The following CCBE1 variants were observed in gnomAD, a reference collection of about 807,000 sequenced individuals.
The protein encoded by CCBE1 is collagen and calcium-binding EGF domain-containing protein 1.
Under a neutral mutation model 50.0 loss-of-function variants are expected in CCBE1, and 37 were observed. The observed-to-expected ratio is 0.74, with a 90% CI of 0.57 to 0.97. The LOEUF is 0.97. CCBE1 is among the 50% of genes least tolerant of loss of function. The pLI is 0.00. For missense variants in CCBE1, 538 were observed against 523.8 expected, an observed-to-expected ratio of 1.03 and a Z score of -0.26; for synonymous variants, 234 against 203.7, an observed-to-expected ratio of 1.15 and a Z score of -1.27.
chr18:59,683,077 T>C (rs547702672), intron 2 of CCBE1, among the ~76,000 whole-genome samples: 1 of 152,346 alleles, frequency 6.6e-6, no homozygotes, highest in South Asian at 2.1e-4. Context: ...TATATTTTCA[T>C]ATACTTTCCT....
intron 2 of CCBE1, among the ~76,000 whole-genome samples, chr18:59,578,172 A>G (rs535124645): frequency 3.3e-5 from 5 of 152,352 alleles, no homozygotes; most frequent in African/African-American, 7.2e-5. Context: ...AAAAGAAGAC[A>G]TTTATGCAGC....
chr18:59,588,440 G>C (rs1245372685), intron 2 of CCBE1, among the ~76,000 whole-genome samples: 1 of 152,176 alleles, frequency 6.6e-6, no homozygotes, highest in Non-Finnish European at 1.5e-5. Flanking sequence ...CCAGCACTCT[G>C]TGTGGTTTCC....
intron 2 of CCBE1, among the ~76,000 whole-genome samples, chr18:59,518,231 G>C (rs899738658): frequency 6.6e-6 from 1 of 152,240 alleles, no homozygotes; most frequent in Non-Finnish European, 1.5e-5. Flanking sequence ...GCTCACTCCT[G>C]TAATCCCAAC....
At chr18:59,452,907 C>T (rs187279631) in intron 6 of CCBE1, among the ~76,000 whole-genome samples, 8 of 152,290 alleles carry the variant, frequency 5.3e-5, no homozygotes, top group East Asian at 1.9e-4. Flanking sequence ...TAAGGTAGAA[C>T]GATGCTAGTC....
chr18:59,565,502 C>T (rs1460996047), intron 2 of CCBE1, among the ~76,000 whole-genome samples: 1 of 152,218 alleles, frequency 6.6e-6, no homozygotes, highest in Non-Finnish European at 1.5e-5. Flanking sequence ...TCACTCTCTA[C>T]AGCCCAGCCC....
At chr18:59,473,983 G>A (rs1490288202) in intron 3 of CCBE1, among the ~76,000 whole-genome samples, 1 of 152,170 alleles carries the variant, frequency 6.6e-6, no homozygotes, top group African/African-American at 2.4e-5. Flanking sequence ...GAGAACATGT[G>A]GTACTTGTGT....
Position 59,431,352 on chromosome 18 carries a change from C to G in CCBE1, c.*4556G>C, listed in dbSNP as rs1273700609. 4 of 152,178 alleles carry G rather than the reference C, an allele frequency of 2.6e-5. No homozygotes were observed. The highest frequency in any genetic ancestry group is 9.7e-5 in the African/African-American group (4 of 41,406). 9.4% of individuals were successfully genotyped at this position (152,178 alleles called of 1,614,324 possible). A position where few individuals can be genotyped will look rare whatever the true frequency, so the allele number is the denominator to read the frequency against. On this transcript the variant is annotated 3_prime_UTR_variant, in exon 11 of 11. Coordinates refer to ENST00000439986, the MANE Select transcript of CCBE1 (RefSeq NM_133459.4). ...AAAAATTCATCTATTTCCCTGAACT[C>G]ATTATTAATAACTTTAGATGGCTCT...
At chr18:59,441,674 G>T (rs1002515868) in intron 7 of CCBE1, among the ~76,000 whole-genome samples, 1 of 152,080 alleles carries the variant, frequency 6.6e-6, no homozygotes, top group Non-Finnish European at 1.5e-5. Context: ...CAGAGAGATG[G>T]AAATTAAAGG....
At chr18:59,511,440 G>C (rs945114138) in intron 2 of CCBE1, among the ~76,000 whole-genome samples, 1 of 152,228 alleles carries the variant, frequency 6.6e-6, no homozygotes. Flanking sequence ...CAGCCTTGAA[G>C]AGATCCATTT....
At chr18:59,694,804 T>A (rs2054783192) in intron 2 of CCBE1, among the ~76,000 whole-genome samples, 2 of 152,096 alleles carry the variant, frequency 1.3e-5, no homozygotes, top group African/African-American at 2.4e-5. Flanking sequence ...AGAAAATAGA[T>A]CTAAAAACAA....
chr18:59,559,554 G>T lies in CCBE1; in HGVS notation c.213-79316C>A, dbSNP rs184293772. Among the ~76,000 whole-genome samples, 327 of 152,278 alleles carry T rather than the reference G, an allele frequency of 2.1e-3. 1 individual carries two copies. The highest frequency in any genetic ancestry group is 3.5e-3 in the Non-Finnish European group (238 of 68,030). On this transcript the variant is annotated intron_variant, in intron 2 of 10. Coordinates refer to ENST00000439986, the MANE Select transcript of CCBE1 (RefSeq NM_133459.4). The stretch of plus-strand genomic sequence containing the variant: ...CAACCCAGTCCCATCCAAGCATTCC[G>T]GTTCAAAGAATACCTGTTACAGCTG...
In CCBE1 at chr18:59,448,071, C is replaced by G; in HGVS notation, c.687G>C (p.Leu229=). Residue 229 remains leucine (L), a synonymous_variant, in exon 7 of 11, where the codon CTG becomes CTC. Coordinates refer to ENST00000439986, the MANE Select transcript of CCBE1 (RefSeq NM_133459.4). ...CCTTGTCACCAGTGATATACTTGCC[C>G]AGGTCAGCTGCATTGTTGGGGAGCA... ...IALLPNNAAD[L]GKYITGDKVL... 1 of 1,614,036 alleles carries G rather than the reference C, an allele frequency of 6.2e-7. No individual in the cohort carries two copies. The highest frequency in any genetic ancestry group is 2.2e-5 in the East Asian group (1 of 44,850).
At chr18:59,455,043 GAGT>G (rs1911122401) in intron 5 of CCBE1, 92 bp from the exon 6 acceptor site, 2 of 996,686 alleles carry the variant, frequency 2.0e-6, no homozygotes, top group South Asian at 2.6e-5. Context: ...CCCAGGGACA[GAGT>G]AGCTGACAGC....
Position 59,459,082 on chromosome 18 carries a change from T to C in CCBE1, c.554-4131A>G, listed in dbSNP as rs547783823. 2.0e-5 allele frequency: 3 copies of C among 152,340 alleles called. No homozygotes were observed. The South Asian group carries it at 6.2e-4, about 32-fold the overall frequency. The allele number at this position is 152,340 out of a possible 1,614,324, so 9.4% of individuals were successfully genotyped here. On this transcript the variant is annotated intron_variant, in intron 5 of 10. Transcript: ENST00000439986. ...TGGAGCTGCTACGAGGAGCCAGTGA[T>C]AAGATATGTAGGTTCCCAGAACAGT... is the stretch of plus-strand genomic sequence containing the variant.
rs775397989 is a variant in CCBE1, at chr18:59,466,958, T to C, written c.401-67A>G. On this transcript the variant is annotated intron_variant, in intron 4 of 10. Transcript: ENST00000439986. ...TTCACTTCTAATACAACAGATGACA[T>C]TGGGCTTTGCCTCTCTGTTAATAAC... 38 of 1,405,206 alleles carry C rather than the reference T, an allele frequency of 2.7e-5. 1 individual carries two copies. Among genetic ancestry groups the C allele is most frequent in the Non-Finnish European group, 2.9e-5 (29 of 998,772 alleles). 87.0% of individuals were successfully genotyped at this position (1,405,206 alleles called of 1,614,324 possible).
intron 2 of CCBE1, among the ~76,000 whole-genome samples, chr18:59,508,711 CTTTTTTTT>C (rs55881131): frequency 2.1e-5 from 2 of 95,684 alleles, no homozygotes; most frequent in Non-Finnish European, 3.9e-5. Context: ...TAGAGTTACG[CTTTTTTTT>C]TTTTTTTTTT....
intron 2 of CCBE1, among the ~76,000 whole-genome samples, chr18:59,501,820 ATT>A (rs1412217556): frequency 6.6e-6 from 1 of 152,172 alleles, no homozygotes; most frequent in Admixed American, 6.5e-5. Flanking sequence ...TCCTTCATTT[ATT>A]TTGAGACAGG....
chr18:59,582,613 G>A (rs2053101998), intron 2 of CCBE1, among the ~76,000 whole-genome samples: 1 of 152,128 alleles, frequency 6.6e-6, no homozygotes, highest in African/African-American at 2.4e-5. Context: ...GGGAGCCCTT[G>A]CTGAGCCTGA....
chr18:59,501,959 T>C (rs1169092505), intron 2 of CCBE1, among the ~76,000 whole-genome samples: 1 of 152,172 alleles, frequency 6.6e-6, no homozygotes, highest in African/African-American at 2.4e-5. Context: ...CCATCACGCC[T>C]GGCTAATTTT....
Sources: gnomAD v4.1 joint callset for allele counts (sites outside exome capture counted in the v4.1 genomes callset) on GRCh38, gnomAD v4.1.1 for gene constraint, MANE v1.5 for transcripts, NCBI Gene and HGNC (gene_info 2026-07-23, HGNC 2026-07-21) for gene names.